The following LPP variants were observed in gnomAD, a reference collection of about 807,000 sequenced individuals.
LPP encodes lipoma-preferred partner.
Under a neutral mutation model 60.4 loss-of-function variants are expected in LPP, and 38 were observed. The observed-to-expected ratio is 0.63, with a 90% CI of 0.49 to 0.83. LPP has a LOEUF of 0.83. LPP is among the 40% of genes least tolerant of loss of function. The probability of loss-of-function intolerance (pLI) is 0.00; values close to 1 mark genes in which losing one functional copy is unlikely to be tolerated. For missense variants in LPP, 902 were observed against 783.6 expected (o/e 1.15, Z -1.80); for synonymous variants, 328 against 290.8 (o/e 1.13, Z -1.30).
chr3:188,495,549 C>A (rs79572524), intron 5 of LPP, among the ~76,000 whole-genome samples: 4,586 of 152,112 alleles, frequency 0.03, 247 homozygotes, highest in African/African-American at 0.1. Flanking sequence ...CTTAAATCCT[C>A]AAAAAGCAGC....
At chr3:188,490,556 G>T (rs1214279876) in intron 5 of LPP, among the ~76,000 whole-genome samples, 1 of 151,610 alleles carries the variant, frequency 6.6e-6, no homozygotes, top group Non-Finnish European at 1.5e-5. Context: ...TAGAGATGGG[G>T]TTTCGCCACA....
intron 8 of LPP, among the ~76,000 whole-genome samples, chr3:188,754,144 G>A (rs1729351561): frequency 6.6e-6 from 1 of 152,100 alleles, no homozygotes; most frequent in African/African-American, 2.4e-5. Flanking sequence ...ATTGTCTAAG[G>A]CTACAGAAGA....
intron 5 of LPP, among the ~76,000 whole-genome samples, chr3:188,522,310 T>C (rs965438080): frequency 3.3e-5 from 5 of 152,174 alleles, no homozygotes; most frequent in Admixed American, 3.3e-4. Context: ...CCGTCCAGCT[T>C]GATGATACAC....
chr3:188,857,607 A>G (rs1315845851), intron 9 of LPP, among the ~76,000 whole-genome samples: 2 of 152,350 alleles, frequency 1.3e-5, no homozygotes, highest in African/African-American at 4.8e-5. Context: ...TTTATGAAGA[A>G]TTAAGAAATG....
chr3:188,706,426 A>G (rs539613194), intron 7 of LPP, among the ~76,000 whole-genome samples: 2 of 152,354 alleles, frequency 1.3e-5, no homozygotes, highest in East Asian at 3.9e-4. Context: ...GGCTAAGGTT[A>G]GTGACCAGCA....
Position 188,609,205 on chromosome 3 carries a change from C to T in LPP, c.474C>T (p.Val158=), listed in dbSNP as rs1364381168. The stretch of plus-strand genomic sequence containing the variant: ...CCTCTCCTCCAGTTTCGACCCCAGT[C>T]ACAGGACACAAGAGAATGGTCATCC... ...STASPPVSTP[V]TGHKRMVIPN... The change falls in exon 7 of 12, where the codon GTC becomes GTT. Residue 158 remains valine, a synonymous_variant. Coordinates refer to ENST00000617246, the MANE Select transcript of LPP (RefSeq NM_001375462.1). This position sits in a 1 kb window ranked among gnomAD's most constrained non-coding sequence, Gnocchi z 6.9. 6 of 1,613,860 alleles carry T rather than the reference C, an allele frequency of 3.7e-6. No individual in the cohort carries two copies. Among genetic ancestry groups the T allele is most frequent in the Non-Finnish European group, 5.1e-6 (6 of 1,179,896 alleles).
chr3:188,443,239 A>C (rs1226353226), intron 4 of LPP, among the ~76,000 whole-genome samples: 1 of 152,224 alleles, frequency 6.6e-6, no homozygotes, highest in African/African-American at 2.4e-5. Flanking sequence ...ACAATCTACA[A>C]CAACAAAAAT....
intron 1 of LPP, among the ~76,000 whole-genome samples, chr3:188,200,194 A>G (rs1730680395): frequency 6.6e-6 from 1 of 152,066 alleles, no homozygotes; most frequent in Admixed American, 6.6e-5. Context: ...ATTTAACAGG[A>G]AAGAGATGCT....
chr3:188,209,727 A>G (rs1242488590), intron 1 of LPP, among the ~76,000 whole-genome samples: 1 of 152,094 alleles, frequency 6.6e-6, no homozygotes. Context: ...TGTGGGGTGG[A>G]GGTAGATGAA....
At chr3:188,469,292 A>T (rs1424425954) in intron 4 of LPP, among the ~76,000 whole-genome samples, 2 of 151,712 alleles carry the variant, frequency 1.3e-5, no homozygotes, top group Non-Finnish European at 2.9e-5. Flanking sequence ...GAGCCCATCC[A>T]GAGCTAGGCA....
intron 2 of LPP, among the ~76,000 whole-genome samples, chr3:188,238,878 A>G (rs1455495621): frequency 6.6e-6 from 1 of 151,956 alleles, no homozygotes; most frequent in Non-Finnish European, 1.5e-5. Flanking sequence ...CTGCCTCCAC[A>G]AATCTTCTAT....
At chr3:188,445,530 C>T (rs1039080365) in intron 4 of LPP, among the ~76,000 whole-genome samples, 1 of 151,960 alleles carries the variant, frequency 6.6e-6, no homozygotes, top group African/African-American at 2.4e-5. Context: ...GGAGAAATAC[C>T]TAATGTAGAT....
Position 188,608,003 on chromosome 3 carries a change from G to C in LPP, c.430-1158G>C, listed in dbSNP as rs114111167. 3.1e-3 allele frequency among the ~76,000 whole-genome samples: 468 copies of C among 152,212 alleles called. 3 individuals are homozygous for C. Among genetic ancestry groups the C allele is most frequent in the African/African-American group, 0.011 (457 of 41,544 alleles). On this transcript the variant is annotated intron_variant, in intron 6 of 11. Transcript: ENST00000617246. ...CATGTAAAGCTCTGTGAGGTTAATG[G>C]GGGGAGAGTGGTGTCCTAGGATGAT...
intron 3 of LPP, among the ~76,000 whole-genome samples, chr3:188,384,895 A>G (rs963879458): frequency 6.6e-6 from 1 of 151,220 alleles, no homozygotes; most frequent in Non-Finnish European, 1.5e-5. Context: ...TGCCCTATGT[A>G]GTACATCTTG....
intron 3 of LPP, among the ~76,000 whole-genome samples, chr3:188,370,294 C>G (rs548495457): frequency 6.6e-6 from 1 of 152,268 alleles, no homozygotes; most frequent in East Asian, 1.9e-4. Context: ...TACAGCTATA[C>G]AGAGAGCTCA....
At chr3:188,646,571 T>C (rs1364548475) in intron 7 of LPP, among the ~76,000 whole-genome samples, 1 of 152,184 alleles carries the variant, frequency 6.6e-6, no homozygotes, top group Non-Finnish European at 1.5e-5. Flanking sequence ...AAGGCAAGGA[T>C]GTGCATACAG....
At chr3:188,553,209 G>C (rs1828626033) in intron 6 of LPP, among the ~76,000 whole-genome samples, 1 of 152,056 alleles carries the variant, frequency 6.6e-6, no homozygotes, top group African/African-American at 2.4e-5. Context: ...GTATACTTGG[G>C]ACACATATTA....
chr3:188,858,479 A>C (rs1764352072), intron 9 of LPP, among the ~76,000 whole-genome samples: 1 of 152,228 alleles, frequency 6.6e-6, no homozygotes. Context: ...TAAATGTTCT[A>C]TAATTGAGAT....
chr3:188,230,046 G>A (rs1719282943), intron 2 of LPP, among the ~76,000 whole-genome samples: 1 of 151,910 alleles, frequency 6.6e-6, no homozygotes, highest in African/African-American at 2.4e-5. Context: ...TATAGTTAGG[G>A]AAAAAGACAA....
Sources: allele counts gnomAD v4.1 joint callset (sites outside exome capture counted in the v4.1 genomes callset), GRCh38; gene constraint gnomAD v4.1.1; non-coding constraint Gnocchi (gnomAD v3.1); transcripts MANE v1.5; gene names NCBI Gene and HGNC (gene_info 2026-07-23, HGNC 2026-07-21).